GNAL: variants seen among roughly 807,000 people sequenced by gnomAD.
The protein encoded by GNAL is guanine nucleotide-binding protein G(olf) subunit alpha.
In GNAL, 18 loss-of-function variants were observed where a neutral mutation model predicts 55.1. The observed-to-expected ratio is 0.33, with a 90% CI of 0.23 to 0.48. The LOEUF (loss-of-function observed/expected upper bound fraction) is 0.48, where lower values mean the gene tolerates loss of function less well. GNAL is among the 20% of genes least tolerant of loss of function. The probability of loss-of-function intolerance (pLI) is 0.99; values close to 1 mark genes in which losing one functional copy is unlikely to be tolerated. For missense variants in GNAL, 412 were observed against 614.1 expected (o/e 0.67, Z 3.48); for synonymous variants, 253 against 237.0 (o/e 1.07, Z -0.62).
intron 5 of GNAL, among the ~76,000 whole-genome samples, chr18:11,846,678 T>A (rs1469105416): frequency 6.6e-6 from 1 of 151,860 alleles, no homozygotes. Flanking sequence ...TGCCATCTTG[T>A]CCAGGCTGTT....
chr18:11,855,051 G>T (rs1013953889), intron 5 of GNAL, among the ~76,000 whole-genome samples: 2 of 152,040 alleles, frequency 1.3e-5, no homozygotes, highest in Non-Finnish European at 2.9e-5. Flanking sequence ...CCCCTGAGTA[G>T]CTGGGACTAC....
At position 11,742,299 on chromosome 18, in the gene GNAL, A is replaced by G. The variant is rs527667063; in HGVS notation, c.377-10554A>G. On this transcript the variant is annotated intron_variant, in intron 1 of 11. Transcript: ENST00000334049. ...CTCAAGGATGTCCACATGCTGCCTC[A>G]TGGAGAGGGATAAGATGGATATATA... Among the ~76,000 whole-genome samples the G allele has an allele frequency of 2.6e-5, 4 of 152,250 alleles. No individual in the cohort carries two copies. The South Asian group carries it at 6.2e-4, about 24-fold the overall frequency.
At chr18:11,768,602 GAAAA>G (rs141852297) in intron 4 of GNAL, among the ~76,000 whole-genome samples, 2 of 133,052 alleles carry the variant, frequency 1.5e-5, no homozygotes, top group Admixed American at 1.5e-4. Context: ...ACTCCATCTC[GAAAA>G]AAAAAAGGCC....
At chr18:11,810,117 A>G (rs74945472) in intron 4 of GNAL, among the ~76,000 whole-genome samples, 9,923 of 152,334 alleles carry the variant, frequency 0.065, 482 homozygotes, top group African/African-American at 0.13. Context: ...TTGGCTGGGC[A>G]GGGCGGCTCA....
At chr18:11,820,206 G>C (rs1183278725) in intron 4 of GNAL, among the ~76,000 whole-genome samples, 1 of 152,178 alleles carries the variant, frequency 6.6e-6, no homozygotes, top group Non-Finnish European at 1.5e-5. Context: ...TAGGCAGAAA[G>C]GGGGAGAGCA....
chr18:11,827,544 C>T (rs2035277842), intron 5 of GNAL, among the ~76,000 whole-genome samples: 1 of 151,976 alleles, frequency 6.6e-6, no homozygotes. Flanking sequence ...ACTTGGGAGG[C>T]GGAGGTGGCA....
chr18:11,711,471 C>T (rs1157116948), intron 1 of GNAL, among the ~76,000 whole-genome samples: 1 of 151,772 alleles, frequency 6.6e-6, no homozygotes, highest in Admixed American at 6.6e-5. Context: ...TGATTCTTTC[C>T]TCTACTAACT....
rs1276174368 is a variant in GNAL, at chr18:11,689,435, A to G, written c.-129A>G. The G allele has an allele frequency of 2.8e-5, 11 of 393,120 alleles. No individual in the cohort carries two copies. Among genetic ancestry groups the G allele is most frequent in the Non-Finnish European group, 4.8e-5 (11 of 230,514 alleles). The allele number at this position is 393,120 out of a possible 1,614,324, so 24.4% of individuals were successfully genotyped here. The stretch of plus-strand genomic sequence containing the variant: ...CAGCTGGCGGCCGGCAGCGCCGAAC[A>G]GGGTCCGGGTGCAGCCCCCTCCCGC... On this transcript the variant is annotated 5_prime_UTR_variant, in exon 1 of 12. Coordinates refer to ENST00000334049, the MANE Select transcript of GNAL (RefSeq NM_182978.4).
chr18:11,739,086 C>T (rs1467137819), intron 1 of GNAL, among the ~76,000 whole-genome samples: 4 of 152,142 alleles, frequency 2.6e-5, no homozygotes, highest in African/African-American at 9.7e-5. Flanking sequence ...GAGTGCCCTG[C>T]GCAGCCTAGA....
chr18:11,703,415 A>G (rs977965230), intron 1 of GNAL, among the ~76,000 whole-genome samples: 1 of 152,246 alleles, frequency 6.6e-6, no homozygotes, highest in South Asian at 2.1e-4. Flanking sequence ...TATTTGTTAT[A>G]GGTTTTCATT....
chr18:11,733,727 G>A (rs938578621), intron 1 of GNAL, among the ~76,000 whole-genome samples: 1 of 152,158 alleles, frequency 6.6e-6, no homozygotes, highest in Non-Finnish European at 1.5e-5. Flanking sequence ...ACACAGGAGT[G>A]GAAGAACAGA....
chr18:11,820,163 T>C (rs1449202592), intron 4 of GNAL, among the ~76,000 whole-genome samples: 1 of 152,170 alleles, frequency 6.6e-6, no homozygotes, highest in African/African-American at 2.4e-5. Context: ...ACTCTTATCC[T>C]AGTACAGGGT....
intron 1 of GNAL, among the ~76,000 whole-genome samples, chr18:11,695,324 C>G (rs1216628638): frequency 1.3e-5 from 2 of 152,186 alleles, no homozygotes; most frequent in East Asian, 3.8e-4. Flanking sequence ...GCTGATCTAA[C>G]CTGGGTCACA....
At chr18:11,867,325 T>C (rs2036285503) in intron 8 of GNAL, 99 bp downstream of exon 8, 1 of 776,872 alleles carries the variant, frequency 1.3e-6, no homozygotes, top group African/African-American at 1.8e-5. Flanking sequence ...CTAACTAATA[T>C]GTAAAGTATA....
At chr18:11,839,746 T>A (rs1165061879) in intron 5 of GNAL, among the ~76,000 whole-genome samples, 2 of 152,128 alleles carry the variant, frequency 1.3e-5, no homozygotes, top group Non-Finnish European at 2.9e-5. Flanking sequence ...AATGAGGAGC[T>A]GAACTGTGCT....
Position 11,862,466 on chromosome 18 carries a change from TC to T in GNAL, c.777+22del. On this transcript the variant is annotated intron_variant, in intron 6 of 11. Transcript: ENST00000334049. ...ACAGACCAGGTATGTGGAATTAGGG[TC>T]CCCCACCACACACCAGAAACTTTGA... The T allele has an allele frequency of 6.4e-7, 1 of 1,559,062 alleles. No individual in the cohort carries two copies. The highest frequency in any genetic ancestry group is 8.8e-7 in the Non-Finnish European group (1 of 1,130,046).
intron 1 of GNAL, among the ~76,000 whole-genome samples, chr18:11,724,523 G>A (rs558500493): frequency 6.6e-6 from 1 of 152,250 alleles, no homozygotes; most frequent in East Asian, 1.9e-4. Context: ...CCACACACAC[G>A]ACCTGAGTCT....
intron 4 of GNAL, among the ~76,000 whole-genome samples, chr18:11,822,200 G>C (rs2035114137): frequency 6.6e-6 from 1 of 152,202 alleles, no homozygotes. Flanking sequence ...GCGGGGCGTG[G>C]TGGGCGCGCC....
intron 4 of GNAL, among the ~76,000 whole-genome samples, chr18:11,789,095 T>A (rs887396228): frequency 5.9e-5 from 9 of 151,880 alleles, no homozygotes; most frequent in South Asian, 2.1e-4. Flanking sequence ...TCTTTCTCGA[T>A]GCCACACAAC....
Sources: gnomAD v4.1 joint callset for allele counts (sites outside exome capture counted in the v4.1 genomes callset) on GRCh38, gnomAD v4.1.1 for gene constraint, MANE v1.5 for transcripts, NCBI Gene and HGNC (gene_info 2026-07-23, HGNC 2026-07-21) for gene names.